The following KIAA0825 variants were observed in gnomAD, a reference collection of about 807,000 sequenced individuals.
The protein encoded by KIAA0825 is KIAA0825.
In KIAA0825, 119 loss-of-function variants were observed where a neutral mutation model predicts 147.6. The ratio of observed to expected loss-of-function variants is 0.81; its 90% CI spans 0.69 to 0.94. KIAA0825 has a LOEUF of 0.94. KIAA0825 is among the 40% of genes least tolerant of loss of function. The probability of loss-of-function intolerance (pLI) is 0.00; values close to 1 mark genes in which losing one functional copy is unlikely to be tolerated. For missense variants in KIAA0825, 1,381 were observed against 1,472.7 expected, an observed-to-expected ratio of 0.94 and a Z score of 1.02; for synonymous variants, 470 against 518.1, an observed-to-expected ratio of 0.91 and a Z score of 1.26.
chr5:94,546,879 AG>A (rs1159301682), intron 2 of KIAA0825, among the ~76,000 whole-genome samples: 7 of 151,836 alleles, frequency 4.6e-5, no homozygotes, highest in African/African-American at 1.7e-4. Flanking sequence ...ATAAGGCACC[AG>A]AGACCAATCC....
intron 16 of KIAA0825, among the ~76,000 whole-genome samples, chr5:94,399,258 C>G (rs1189100690): frequency 3.9e-5 from 6 of 152,048 alleles, no homozygotes; most frequent in Admixed American, 3.3e-4. Context: ...GTGTTTGTAT[C>G]TCATAGTCCC....
intron 20 of KIAA0825, among the ~76,000 whole-genome samples, chr5:94,297,250 C>A (rs1001802237): frequency 6.6e-6 from 1 of 152,126 alleles, no homozygotes; most frequent in Non-Finnish European, 1.5e-5. Flanking sequence ...TCTCTAAATC[C>A]TGTACTATGA....
rs185599495 is a variant in KIAA0825, at chr5:94,276,914, C to A, written c.3710+107454G>T. 1.0e-3 allele frequency among the ~76,000 whole-genome samples: 152 copies of A among 152,152 alleles called. 1 individual carries two copies. Among genetic ancestry groups the A allele is most frequent in the South Asian group, 4.6e-3 (22 of 4,826 alleles). ...ATTCTTTTCCTAAGCACACTTTTGG[C>A]CTCTCTCCGCCTCTTTACTCACTCT... On this transcript the variant is annotated intron_variant, in intron 20 of 20. Transcript: ENST00000682413.
intron 3 of KIAA0825, among the ~76,000 whole-genome samples, chr5:94,527,173 T>C (rs766354469): frequency 3.1e-4 from 47 of 152,076 alleles, no homozygotes; most frequent in Non-Finnish European, 6.2e-4. Flanking sequence ...GATGTATGTG[T>C]GTATGTATAT....
chr5:94,574,543 C>CAAA (rs1181241238), intron 2 of KIAA0825, among the ~76,000 whole-genome samples: 23 of 65,524 alleles, frequency 3.5e-4, no homozygotes, highest in Admixed American at 9.3e-4. Context: ...GACTCCATCT[C>CAAA]AAAAAAAAAA....
At chr5:94,232,251 A>C (rs1293845882) in intron 20 of KIAA0825, among the ~76,000 whole-genome samples, 1 of 152,136 alleles carries the variant, frequency 6.6e-6, no homozygotes, top group Non-Finnish European at 1.5e-5. Context: ...TCTAACTTGC[A>C]GAGCAGTTAT....
At chr5:94,518,082 T>A (rs1415010184) in intron 5 of KIAA0825, among the ~76,000 whole-genome samples, 1 of 152,188 alleles carries the variant, frequency 6.6e-6, no homozygotes, top group African/African-American at 2.4e-5. Flanking sequence ...TTAAGGATTG[T>A]CCTTTCTATA....
intron 20 of KIAA0825, among the ~76,000 whole-genome samples, chr5:94,241,385 C>T (rs973264309): frequency 9.9e-5 from 15 of 152,150 alleles, no homozygotes; most frequent in Non-Finnish European, 2.2e-4. Context: ...CTTCACATCA[C>T]GACAGGATCA....
intron 20 of KIAA0825, among the ~76,000 whole-genome samples, chr5:94,311,292 G>A (rs1157003591): frequency 6.6e-6 from 1 of 150,624 alleles, no homozygotes; most frequent in African/African-American, 2.4e-5. Flanking sequence ...GTATTGCTTG[G>A]AACCTTAAAA....
intron 20 of KIAA0825, among the ~76,000 whole-genome samples, chr5:94,341,911 C>T (rs564292292): frequency 6.6e-6 from 1 of 152,140 alleles, no homozygotes; most frequent in Admixed American, 6.5e-5. Context: ...AGAGCAATCT[C>T]GGCCAGACGC....
At chr5:94,517,647 T>A (rs1298243190) in intron 5 of KIAA0825, among the ~76,000 whole-genome samples, 1 of 151,642 alleles carries the variant, frequency 6.6e-6, no homozygotes, top group Non-Finnish European at 1.5e-5. Flanking sequence ...TATAATCATT[T>A]AAATCATATA....
chr5:94,294,007 T>G (rs971006158), intron 20 of KIAA0825, among the ~76,000 whole-genome samples: 9 of 152,236 alleles, frequency 5.9e-5, no homozygotes, highest in Non-Finnish European at 7.3e-5. Flanking sequence ...CCCTTTATTT[T>G]GAGTTTATAT....
chr5:94,214,879 C>T (rs989795336), intron 20 of KIAA0825, among the ~76,000 whole-genome samples: 2 of 152,014 alleles, frequency 1.3e-5, no homozygotes, highest in African/African-American at 2.4e-5. Context: ...AACAAACAAA[C>T]AACAAAACAA....
chr5:94,254,678 T>G (rs1270911947), intron 20 of KIAA0825, among the ~76,000 whole-genome samples: 1 of 152,168 alleles, frequency 6.6e-6, no homozygotes, highest in African/African-American at 2.4e-5. Flanking sequence ...CAAGTTTAAT[T>G]AAGCTTACTT....
intron 20 of KIAA0825, among the ~76,000 whole-genome samples, chr5:94,297,895 G>A (rs17082131): frequency 0.21 from 31,267 of 149,726 alleles, 3,684 homozygotes; most frequent in Non-Finnish European, 0.26. Flanking sequence ...CACACCCAGC[G>A]TCATCACTAT....
At chr5:94,534,995 C>T (rs1304119993) in intron 3 of KIAA0825, among the ~76,000 whole-genome samples, 6 of 151,892 alleles carry the variant, frequency 4.0e-5, no homozygotes, top group Admixed American at 3.9e-4. Flanking sequence ...GATATAAATA[C>T]ATAATTACCC....
chr5:94,483,132 C>A (rs1408771146), intron 6 of KIAA0825, among the ~76,000 whole-genome samples: 1 of 151,912 alleles, frequency 6.6e-6, no homozygotes, highest in Admixed American at 6.6e-5. Context: ...AGTCAGCATG[C>A]CAAATCTATG....
intron 20 of KIAA0825, among the ~76,000 whole-genome samples, chr5:94,191,257 G>T (rs1770654785): frequency 6.6e-6 from 1 of 152,100 alleles, no homozygotes; most frequent in Admixed American, 6.6e-5. Context: ...ATATTCCTGT[G>T]ATTAAATTTA....
chr5:94,337,192 GA>G (rs950419568), intron 20 of KIAA0825, among the ~76,000 whole-genome samples: 2 of 151,654 alleles, frequency 1.3e-5, no homozygotes, highest in Admixed American at 6.6e-5. Context: ...TATAAATTTA[GA>G]AAAAAAATGA....
Sources: gnomAD v4.1 joint callset for allele counts (sites outside exome capture counted in the v4.1 genomes callset) on GRCh38, gnomAD v4.1.1 for gene constraint, MANE v1.5 for transcripts, NCBI Gene and HGNC (gene_info 2026-07-23, HGNC 2026-07-21) for gene names.